RNF6: variants seen among roughly 807,000 people sequenced by gnomAD.
The protein encoded by RNF6 is E3 ubiquitin-protein ligase RNF6.
RNF6 carries 21 observed loss-of-function variants against 50.1 expected under a neutral mutation model. The observed-to-expected ratio is 0.42, with a 90% CI of 0.30 to 0.60. RNF6 has a LOEUF of 0.60. RNF6 is among the 20% of genes least tolerant of loss of function. The pLI, the probability that RNF6 is intolerant of heterozygous loss-of-function variation, is 0.20. For synonymous variants in RNF6, 255 were observed against 291.8 expected (o/e 0.87, Z 1.29); for missense variants, 698 against 838.2 (o/e 0.83, Z 2.07).
At chr13:26,182,766 C>G (rs1269118444) in intron 5 of RNF6, among the ~76,000 whole-genome samples, 1 of 152,168 alleles carries the variant, frequency 6.6e-6, no homozygotes, top group Non-Finnish European at 1.5e-5. Flanking sequence ...GATCATGCCA[C>G]TGCAGGCCAA....
At chr13:26,215,707 T>C (rs530742227) in intron 4 of RNF6, 115 bp from the exon 5 acceptor site, 4 of 902,596 alleles carry the variant, frequency 4.4e-6, no homozygotes, top group African/African-American at 1.7e-5. Context: ...TCTGTGGATT[T>C]TAATGAATGA....
chr13:26,211,325 C>CAA (rs1248343077), downstream of RNF6, among the ~76,000 whole-genome samples: 1 of 152,188 alleles, frequency 6.6e-6, no homozygotes, highest in East Asian at 1.9e-4. Context: ...TCATGTCTTG[C>CAA]AAAGGACTAA....
chr13:26,215,672 A>G, intron 4 of RNF6, 80 bp from the exon 5 acceptor site: 3 of 1,215,406 alleles, frequency 2.5e-6, no homozygotes, highest in Non-Finnish European at 3.4e-6. Context: ...TAAGAAAAAC[A>G]AAGTTTGTAA....
intron 5 of RNF6, among the ~76,000 whole-genome samples, chr13:26,156,220 A>G (rs188621509): frequency 9.6e-4 from 146 of 152,336 alleles, no homozygotes; most frequent in Admixed American, 2.7e-3. Context: ...AAGAGTTTTC[A>G]ATATTAACAC....
At chr13:26,183,181 G>A (rs1873324319) in intron 5 of RNF6, among the ~76,000 whole-genome samples, 1 of 152,148 alleles carries the variant, frequency 6.6e-6, no homozygotes, top group Non-Finnish European at 1.5e-5. Flanking sequence ...TGCTCTAAAA[G>A]TATTTGAGGC....
chr13:26,190,599 G>T (rs1324488674), intron 5 of RNF6, among the ~76,000 whole-genome samples: 1 of 152,156 alleles, frequency 6.6e-6, no homozygotes, highest in Non-Finnish European at 1.5e-5. Flanking sequence ...ACATACATGG[G>T]TTCTTACCTT....
chr13:26,136,779 A>T (rs1870666223), intron 5 of RNF6, among the ~76,000 whole-genome samples: 1 of 152,158 alleles, frequency 6.6e-6, no homozygotes. Context: ...GAGGCCAGTG[A>T]TATGATAAAG....
intron 5 of RNF6, among the ~76,000 whole-genome samples, chr13:26,133,628 T>C (rs966377206): frequency 2.6e-5 from 4 of 152,242 alleles, no homozygotes; most frequent in Non-Finnish European, 4.4e-5. Context: ...TAGAGGTTTT[T>C]ACATTTCAGT....
chr13:26,150,065 C>CAGTGTATATATAATGTGT (rs1566409397), intron 5 of RNF6, among the ~76,000 whole-genome samples: 1 of 129,862 alleles, frequency 7.7e-6, no homozygotes, highest in East Asian at 2.2e-4. Context: ...TATATATATA[C>CAGTGTATATATAATGTGT]ATATACATAC....
At chr13:26,133,754 G>A (rs1228748220) in intron 5 of RNF6, among the ~76,000 whole-genome samples, 2 of 152,110 alleles carry the variant, frequency 1.3e-5, no homozygotes, top group African/African-American at 4.8e-5. Context: ...TTTCAGGCAT[G>A]TTTGTAATTG....
chr13:26,154,856 C>T (rs892830073), intron 5 of RNF6, among the ~76,000 whole-genome samples: 1 of 151,952 alleles, frequency 6.6e-6, no homozygotes, highest in Non-Finnish European at 1.5e-5. Flanking sequence ...ATGGCAAAAC[C>T]CTGTCTCTAC....
At chr13:26,193,954 T>C (rs1011560270) in intron 5 of RNF6, among the ~76,000 whole-genome samples, 6 of 152,172 alleles carry the variant, frequency 3.9e-5, no homozygotes, top group Admixed American at 3.9e-4. Flanking sequence ...AAATAGAGAG[T>C]AGATTATTAT....
chr13:26,158,382 C>G (rs949159156), intron 5 of RNF6, among the ~76,000 whole-genome samples: 1 of 152,126 alleles, frequency 6.6e-6, no homozygotes, highest in Non-Finnish European at 1.5e-5. Flanking sequence ...CATCCATCCC[C>G]TGGAAGATCG....
At chr13:26,175,600 A>G (rs1384995197) in intron 5 of RNF6, among the ~76,000 whole-genome samples, 1 of 152,136 alleles carries the variant, frequency 6.6e-6, no homozygotes, top group East Asian at 1.9e-4. Context: ...CCCAAACACT[A>G]AGCAATTGAT....
At chr13:26,212,174 G>A (rs1466359795), downstream of RNF6, among the ~76,000 whole-genome samples, 9 of 152,004 alleles carry the variant, frequency 5.9e-5, no homozygotes, top group South Asian at 1.7e-3. Context: ...ATCCTCCTGG[G>A]CCATGAAAAA....
At chr13:26,142,960 A>G (rs989000180) in intron 5 of RNF6, among the ~76,000 whole-genome samples, 1 of 152,218 alleles carries the variant, frequency 6.6e-6, no homozygotes, top group African/African-American at 2.4e-5. Flanking sequence ...ACACACATAC[A>G]CACACAAACA....
chr13:26,167,423 T>C (rs760702409), intron 5 of RNF6, among the ~76,000 whole-genome samples: 3 of 152,138 alleles, frequency 2.0e-5, no homozygotes, highest in Non-Finnish European at 4.4e-5. Flanking sequence ...AAAGAGGGCA[T>C]ACATGTGGCT....
intron 5 of RNF6, among the ~76,000 whole-genome samples, chr13:26,197,976 A>C (rs1263504041): frequency 6.6e-6 from 1 of 151,924 alleles, no homozygotes; most frequent in Non-Finnish European, 1.5e-5. Context: ...AGAGGAAATC[A>C]TAAGATAATT....
intron 5 of RNF6, among the ~76,000 whole-genome samples, chr13:26,142,695 G>C (rs947494654): frequency 2.0e-5 from 3 of 152,098 alleles, no homozygotes; most frequent in African/African-American, 7.2e-5. Context: ...CATAAGATGG[G>C]AACGATAGAC....
Sources: gnomAD v4.1 joint callset for allele counts (sites outside exome capture counted in the v4.1 genomes callset) on GRCh38, gnomAD v4.1.1 for gene constraint, MANE v1.5 for transcripts, NCBI Gene and HGNC (gene_info 2026-07-23, HGNC 2026-07-21) for gene names.